Variants in ARL6 observed in about 807,000 individuals in gnomAD.
The protein encoded by ARL6 is ADP-ribosylation factor-like protein 6.
A neutral mutation model predicts 27.1 loss-of-function variants in ARL6; 18 were observed. The observed-to-expected ratio is 0.66, with a 90% CI of 0.46 to 0.98. The LOEUF (loss-of-function observed/expected upper bound fraction) is 0.98. ARL6 is among the 50% of genes least tolerant of loss of function. The pLI is 0.00. For synonymous variants in ARL6, 65 were observed against 72.3 expected (o/e 0.90, Z 0.51); for missense variants, 187 against 214.9 (o/e 0.87, Z 0.81).
chr3:97,786,532 A>G (rs566655441), intron 5 of ARL6, among the ~76,000 whole-genome samples: 2 of 152,288 alleles, frequency 1.3e-5, no homozygotes, highest in South Asian at 4.1e-4. Flanking sequence ...TTGTCTATGG[A>G]TCTTAATGTA....
chr3:97,776,805 C>T (rs920215729), intron 2 of ARL6, among the ~76,000 whole-genome samples: 6 of 152,024 alleles, frequency 3.9e-5, no homozygotes, highest in African/African-American at 9.7e-5. Flanking sequence ...TACAGGCACG[C>T]GCCACCACAC....
chr3:97,776,847 C>T (rs912743333), intron 2 of ARL6, among the ~76,000 whole-genome samples: 50 of 152,080 alleles, frequency 3.3e-4, no homozygotes, highest in Middle Eastern at 3.4e-3. Flanking sequence ...TTAGTAGAGA[C>T]GAGGTTTCAC....
Position 97,765,210 on chromosome 3 carries a change from G to GT in ARL6, c.-28+233_-28+234insT, listed in dbSNP as rs369028716. 7.9e-3 allele frequency among the ~76,000 whole-genome samples: 307 copies of GT among 38,742 alleles called. 4 individuals carry two copies. The East Asian group carries it at 0.11, about 14-fold the overall frequency. The allele number at this position is 38,742 out of a possible 152,430, so 25.4% of individuals were successfully genotyped here. ...TGCTCAACTTAGACCCGTGTATTGG[G>GT]GGTGTGTGTGTGTGTGTGTGTGTGT... On this transcript the variant is annotated intron_variant, in intron 1 of 7. Coordinates refer to ENST00000463745, the MANE Select transcript of ARL6 (RefSeq NM_001278293.3).
chr3:97,796,410 T>C (rs1427115193), intron 7 of ARL6, among the ~76,000 whole-genome samples: 1 of 151,680 alleles, frequency 6.6e-6, no homozygotes, highest in Non-Finnish European at 1.5e-5. Context: ...GATGATAAAA[T>C]AGAGGCAAAC....
chr3:97,765,425 G>A (rs2036334899), intron 1 of ARL6, among the ~76,000 whole-genome samples: 1 of 152,156 alleles, frequency 6.6e-6, no homozygotes, highest in African/African-American at 2.4e-5. Context: ...CCTCTAAGCT[G>A]TTAACTGTGG....
intron 2 of ARL6, among the ~76,000 whole-genome samples, chr3:97,776,191 T>G (rs1452230148): frequency 6.6e-6 from 1 of 152,240 alleles, no homozygotes; most frequent in Non-Finnish European, 1.5e-5. Context: ...ATATAGTGAT[T>G]TACTTTGTCT....
rs570080567 is a variant in ARL6 at position 97,791,815 on chromosome 3, A to G, written c.524A>G (p.Asp175Gly). 21 of 1,613,480 alleles carry G rather than the reference A, an allele frequency of 1.3e-5. No homozygotes were observed. Among genetic ancestry groups the G allele is most frequent in the Non-Finnish European group, 1.8e-5 (21 of 1,179,716 alleles). ...IKGEGLQEGV[D>G]WLQDQIQTVK... Reference sequence around the variant, plus strand: ...GGAGAAGGCTTGCAAGAAGGTGTAGACTGGCTTCAAGGTACATTACAAAAT... The same window carrying G: ...GGAGAAGGCTTGCAAGAAGGTGTAGGCTGGCTTCAAGGTACATTACAAAAT... The change falls in exon 7 of 8, where the codon GAC becomes GGC. Residue 175 changes from aspartate (D) to glycine (G), a missense_variant. Physicochemically the swap from Asp to Gly is moderately conservative, Grantham distance 94 (BLOSUM62 -1). Transcript: ENST00000463745.
At chr3:97,768,931 C>G (rs1047066609) in intron 2 of ARL6, among the ~76,000 whole-genome samples, 16 of 152,086 alleles carry the variant, frequency 1.1e-4, no homozygotes, top group African/African-American at 3.4e-4. Context: ...GGTTTCAAAC[C>G]TCTGTCACTC....
chr3:97,796,163 A>C (rs1378154288), intron 7 of ARL6, among the ~76,000 whole-genome samples: 1 of 152,204 alleles, frequency 6.6e-6, no homozygotes, highest in Non-Finnish European at 1.5e-5. Flanking sequence ...GCATTTGAGG[A>C]TGAAAACATT....
At chr3:97,797,509 T>C (rs562805541) in intron 7 of ARL6, among the ~76,000 whole-genome samples, 1 of 152,216 alleles carries the variant, frequency 6.6e-6, no homozygotes, top group Non-Finnish European at 1.5e-5. Flanking sequence ...AGGAGCAGCA[T>C]GGGAGTGTGA....
At chr3:97,784,098 T>G (rs1254791876) in intron 4 of ARL6, among the ~76,000 whole-genome samples, 1 of 151,896 alleles carries the variant, frequency 6.6e-6, no homozygotes, top group African/African-American at 2.4e-5. Context: ...GATATTTGCC[T>G]TAAAGTTTTT....
intron 2 of ARL6, among the ~76,000 whole-genome samples, chr3:97,772,485 G>A (rs1164068505): frequency 2.7e-5 from 4 of 149,726 alleles, no homozygotes; most frequent in Admixed American, 2.7e-4. Context: ...TTGATCTTTT[G>A]TATGTTTTTA....
At chr3:97,767,325 A>G (rs917393040) in intron 1 of ARL6, among the ~76,000 whole-genome samples, 6 of 152,172 alleles carry the variant, frequency 3.9e-5, no homozygotes, top group Non-Finnish European at 8.8e-5. Flanking sequence ...GATGTTTCAG[A>G]TAAGTTACAG....
At chr3:97,778,983 A>G (rs2037045248) in intron 2 of ARL6, among the ~76,000 whole-genome samples, 1 of 152,220 alleles carries the variant, frequency 6.6e-6, no homozygotes. Context: ...GAAAGTAGAT[A>G]TATTTTTATT....
chr3:97,785,011 T>C lies in ARL6; in HGVS notation c.311T>C (p.Val104Ala). 1.2e-6 allele frequency: 2 copies of C among 1,613,120 alleles called. No homozygotes were observed. The highest frequency in any genetic ancestry group is 8.5e-7 in the Non-Finnish European group (1 of 1,179,358). The change falls in exon 5 of 8, where the codon GTG (valine) becomes GCG (alanine). Residue 104 changes from valine (V) to alanine (A), a missense_variant. Coordinates refer to ENST00000463745, the MANE Select transcript of ARL6 (RefSeq NM_001278293.3). ...IDSSDRLRMV[V>A]AKEELDTLLN... ...AGTAGTGATAGATTAAGAATGGTTG[T>C]GGCCAAAGAAGAACTCGATACTCTT...
chr3:97,798,152 T>A lies in ARL6; in HGVS notation c.*103T>A. 1 of 1,232,894 alleles carries A rather than the reference T, an allele frequency of 8.1e-7. No individual in the cohort carries two copies. Among genetic ancestry groups the A allele is most frequent in the South Asian group, 1.2e-5 (1 of 80,066 alleles). The allele number at this position is 1,232,894 out of a possible 1,614,324, so 76.4% of individuals were successfully genotyped here. A position where few individuals can be genotyped will look rare whatever the true frequency, so the allele number is the denominator to read the frequency against. On this transcript the variant is annotated 3_prime_UTR_variant, in exon 8 of 8. Coordinates refer to ENST00000463745, the MANE Select transcript of ARL6 (RefSeq NM_001278293.3). The stretch of plus-strand genomic sequence containing the variant: ...GATGTTTATGCATCAAAAAATATAA[T>A]TTTCTGCTTGCATTTATGGACTCTG...
At chr3:97,771,144 A>C (rs998565583) in intron 2 of ARL6, among the ~76,000 whole-genome samples, 1 of 152,110 alleles carries the variant, frequency 6.6e-6, no homozygotes, top group Admixed American at 6.5e-5. Context: ...CTTTTAATCC[A>C]TGAGCATAGA....
At chr3:97,792,588 CT>C in intron 7 of ARL6, among the ~76,000 whole-genome samples, 1 of 152,150 alleles carries the variant, frequency 6.6e-6, no homozygotes, top group Non-Finnish European at 1.5e-5. Flanking sequence ...AGATACTGAT[CT>C]TTTATTGATA....
At chr3:97,776,713 G>T (rs1204537112) in intron 2 of ARL6, among the ~76,000 whole-genome samples, 4 of 151,882 alleles carry the variant, frequency 2.6e-5, no homozygotes, top group Non-Finnish European at 4.4e-5. Flanking sequence ...CTGGAGTGCA[G>T]TGGCACAATC....
Sources: gnomAD v4.1 joint callset for allele counts (sites outside exome capture counted in the v4.1 genomes callset) on GRCh38, gnomAD v4.1.1 for gene constraint, MANE v1.5 for transcripts, NCBI Gene and HGNC (gene_info 2026-07-23, HGNC 2026-07-21) for gene names.